The following LPAR3 variants were observed in gnomAD, a reference collection of about 807,000 sequenced individuals.
LPAR3 encodes the protein LPA receptor 3.
Under a neutral mutation model 17.8 loss-of-function variants are expected in LPAR3, and 7 were observed. The ratio of observed to expected loss-of-function variants is 0.39; its 90% CI spans 0.22 to 0.74. LPAR3 has a LOEUF of 0.74. Ranked by LOEUF, LPAR3 falls within the 30% of genes least tolerant of loss-of-function variation. The pLI is 0.40. For missense variants in LPAR3, 391 were observed against 453.4 expected (o/e 0.86, Z 1.25); for synonymous variants, 179 against 179.9 (o/e 0.99, Z 0.04).
intron 1 of LPAR3, among the ~76,000 whole-genome samples, chr1:84,867,169 G>A (rs921327461): frequency 2.6e-5 from 4 of 152,216 alleles, no homozygotes; most frequent in Admixed American, 6.5e-5. Context: ...GCCAAGGAAG[G>A]GCTGGGCAGA....
chr1:84,843,135 C>T (rs891409013), intron 2 of LPAR3, among the ~76,000 whole-genome samples: 4 of 152,212 alleles, frequency 2.6e-5, no homozygotes, highest in Admixed American at 2.0e-4. Flanking sequence ...ACAAGTGCAA[C>T]GCCTGTGGAG....
At chr1:84,852,724 T>C (rs886991071) in intron 2 of LPAR3, among the ~76,000 whole-genome samples, 3 of 151,992 alleles carry the variant, frequency 2.0e-5, no homozygotes, top group African/African-American at 7.3e-5. Context: ...AAAGGGCATT[T>C]CAGAGATGGT....
chr1:84,827,058 T>C (rs746407914), intron 2 of LPAR3, among the ~76,000 whole-genome samples: 2 of 152,184 alleles, frequency 1.3e-5, no homozygotes, highest in African/African-American at 2.4e-5. Context: ...GTTTACTAAA[T>C]AGAAAAATGC....
At chr1:84,835,506 T>C (rs1458838381) in intron 2 of LPAR3, among the ~76,000 whole-genome samples, 1 of 152,212 alleles carries the variant, frequency 6.6e-6, no homozygotes, top group Non-Finnish European at 1.5e-5. Context: ...ACAATGAGCA[T>C]ATCTAGTCTC....
intron 2 of LPAR3, among the ~76,000 whole-genome samples, chr1:84,815,992 T>C (rs1658925376): frequency 6.6e-6 from 1 of 152,212 alleles, no homozygotes; most frequent in African/African-American, 2.4e-5. Flanking sequence ...GTTCTAATTC[T>C]TCACTTACTG....
chr1:84,891,574 C>T (rs7534683), intron 1 of LPAR3, among the ~76,000 whole-genome samples: 42,758 of 152,108 alleles, frequency 0.28, 6,258 homozygotes, highest in East Asian at 0.45. Context: ...TTACTGGACT[C>T]AGGCCACTAA....
intron 2 of LPAR3, among the ~76,000 whole-genome samples, chr1:84,821,192 C>T (rs1390019385): frequency 6.6e-6 from 1 of 150,562 alleles, no homozygotes; most frequent in Non-Finnish European, 1.5e-5. Flanking sequence ...GGAAATATCT[C>T]GTTAAACTTC....
intron 2 of LPAR3, among the ~76,000 whole-genome samples, chr1:84,865,133 T>C (rs1660013488): frequency 6.6e-6 from 1 of 152,172 alleles, no homozygotes; most frequent in African/African-American, 2.4e-5. Flanking sequence ...CCCTGCTTTA[T>C]TTTTCCTTCC....
intron 2 of LPAR3, among the ~76,000 whole-genome samples, chr1:84,817,135 C>T (rs1284625848): frequency 1.3e-5 from 2 of 152,152 alleles, no homozygotes; most frequent in Non-Finnish European, 2.9e-5. Context: ...TTGAACCCTG[C>T]TGGTTCCCAG....
intron 1 of LPAR3, among the ~76,000 whole-genome samples, chr1:84,874,307 G>T (rs763250761): frequency 6.6e-6 from 1 of 152,186 alleles, no homozygotes; most frequent in Non-Finnish European, 1.5e-5. Flanking sequence ...GAATAAACAG[G>T]TTCTTGTGTC....
At chr1:84,887,335 C>T (rs1660480670) in intron 1 of LPAR3, among the ~76,000 whole-genome samples, 1 of 151,516 alleles carries the variant, frequency 6.6e-6, no homozygotes, top group Admixed American at 6.6e-5. Context: ...CAAGATCATG[C>T]CACTGCACTC....
In LPAR3 at chr1:84,868,474, T is replaced by C. The variant is rs188373817; in HGVS notation, c.-18-2336A>G. 3.9e-5 allele frequency among the ~76,000 whole-genome samples: 6 copies of C among 152,284 alleles called. No homozygotes were observed. The South Asian group carries it at 1.2e-3, about 32-fold the overall frequency. On this transcript the variant is annotated intron_variant, in intron 1 of 2. Transcript: ENST00000370611. Reference sequence around the variant, plus strand: ...AGTTAAATACAAGGTGCTAATCTAGTGATACTCAATTTAAATATTTAAAGA... The same window carrying C: ...AGTTAAATACAAGGTGCTAATCTAGCGATACTCAATTTAAATATTTAAAGA...
chr1:84,888,177 CACAG>C (rs879671559), intron 1 of LPAR3, among the ~76,000 whole-genome samples: 2,234 of 28,352 alleles, frequency 0.079, 23 homozygotes, highest in African/African-American at 0.14. Context: ...CACACACACA[CACAG>C]AGAGAGGCAG....
chr1:84,879,867 C>T (rs924503676), intron 1 of LPAR3, among the ~76,000 whole-genome samples: 10 of 152,216 alleles, frequency 6.6e-5, no homozygotes, highest in African/African-American at 2.2e-4. Context: ...CCACTTTGAA[C>T]ACCCAGCAGG....
intron 2 of LPAR3, among the ~76,000 whole-genome samples, chr1:84,851,116 A>C (rs1659700470): frequency 6.6e-6 from 1 of 152,254 alleles, no homozygotes; most frequent in Non-Finnish European, 1.5e-5. Context: ...TCACCTTCTA[A>C]GAGGATTAAA....
intron 2 of LPAR3, among the ~76,000 whole-genome samples, chr1:84,842,248 A>T (rs1408956284): frequency 1.3e-5 from 2 of 152,186 alleles, no homozygotes; most frequent in African/African-American, 4.8e-5. Context: ...CATTGAATGG[A>T]CTTCTACATT....
chr1:84,850,595 GA>G (rs1659683611), intron 2 of LPAR3, among the ~76,000 whole-genome samples: 1 of 151,758 alleles, frequency 6.6e-6, no homozygotes, highest in Non-Finnish European at 1.5e-5. Flanking sequence ...CCTTGAAAGG[GA>G]AAAAAGAAAC....
Position 84,873,754 on chromosome 1 carries a change from G to GTT in LPAR3, c.-18-7618_-18-7617dup, listed in dbSNP as rs774761348. Among the ~76,000 whole-genome samples the GTT allele has an allele frequency of 4.3e-3, 595 of 137,532 alleles. 4 individuals are homozygous for GTT. Among genetic ancestry groups the GTT allele is most frequent in the African/African-American group, 4.6e-3 (140 of 30,712 alleles). The allele number at this position is 137,532 out of a possible 152,430, so 90.2% of individuals were successfully genotyped here. On this transcript the variant is annotated intron_variant, in intron 1 of 2. Transcript: ENST00000370611. Reference sequence around the variant, plus strand: ...ACAGTTTTTTTTGTTTGTTTTGCTTGTTTGTTTTTTTTTTTTGAGACGAGT... The same window carrying GTT: ...ACAGTTTTTTTTGTTTGTTTTGCTTGTTTTTGTTTTTTTTTTTTGAGACGAGT...
chr1:84,826,144 T>C (rs1386233756), intron 2 of LPAR3, among the ~76,000 whole-genome samples: 8 of 151,324 alleles, frequency 5.3e-5, no homozygotes, highest in Non-Finnish European at 7.4e-5. Flanking sequence ...TTATGTATAA[T>C]AGCAACATAT....
Sources: allele counts gnomAD v4.1 joint callset (sites outside exome capture counted in the v4.1 genomes callset), GRCh38; gene constraint gnomAD v4.1.1; transcripts MANE v1.5; gene names NCBI Gene and HGNC (gene_info 2026-07-23, HGNC 2026-07-21).